The following PPFIA2 variants were observed in gnomAD, a reference collection of about 807,000 sequenced individuals.
The protein encoded by PPFIA2 is liprin-alpha-2.
Under a neutral mutation model 175.5 loss-of-function variants are expected in PPFIA2, and 46 were observed. The observed-to-expected ratio is 0.26, with a 90% confidence interval of 0.21 to 0.34. The LOEUF (loss-of-function observed/expected upper bound fraction) is 0.34, where lower values mean the gene tolerates loss of function less well. PPFIA2 is among the 10% of genes least tolerant of loss of function. The pLI is 1.00. For missense variants in PPFIA2, 1,179 were observed against 1,506.1 expected, an observed-to-expected ratio of 0.78 and a Z score of 3.60; for synonymous variants, 568 against 511.4, an observed-to-expected ratio of 1.11 and a Z score of -1.49.
intron 4 of PPFIA2, among the ~76,000 whole-genome samples, chr12:81,517,952 T>TG (rs902013742): frequency 2.5e-5 from 2 of 80,972 alleles, no homozygotes; most frequent in Non-Finnish European, 4.8e-5. Flanking sequence ...TGTCGTGGGG[T>TG]GGGGGGAGGG....
intron 3 of PPFIA2, among the ~76,000 whole-genome samples, chr12:81,730,220 GATAA>G (rs1237995577): frequency 1.3e-5 from 2 of 151,554 alleles, no homozygotes; most frequent in Non-Finnish European, 3.0e-5. Flanking sequence ...CATTTTCCAT[GATAA>G]ATTGAGCCTG....
intron 8 of PPFIA2, among the ~76,000 whole-genome samples, chr12:81,403,688 C>T (rs749668723): frequency 7.2e-5 from 11 of 152,116 alleles, no homozygotes; most frequent in Non-Finnish European, 1.2e-4. Context: ...AGGAATAGAA[C>T]ATTCCTCTAG....
intron 4 of PPFIA2, among the ~76,000 whole-genome samples, chr12:81,578,336 G>A (rs972584842): frequency 1.3e-5 from 2 of 151,556 alleles, no homozygotes; most frequent in Non-Finnish European, 3.0e-5. Context: ...TTGTCCTTGA[G>A]GTTATCAACC....
chr12:81,341,648 T>C (rs573924332), intron 19 of PPFIA2, among the ~76,000 whole-genome samples: 13 of 152,260 alleles, frequency 8.5e-5, no homozygotes, highest in Non-Finnish European at 1.8e-4. Context: ...ATTCTTCTTC[T>C]AATGTAGCCC....
intron 4 of PPFIA2, among the ~76,000 whole-genome samples, chr12:81,673,083 C>G (rs1442633393): frequency 1.3e-5 from 2 of 151,978 alleles, no homozygotes; most frequent in African/African-American, 4.8e-5. Flanking sequence ...TAAATCCTAC[C>G]TGTTGACTTA....
chr12:81,571,217 T>C (rs2072482630), intron 4 of PPFIA2, among the ~76,000 whole-genome samples: 1 of 152,092 alleles, frequency 6.6e-6, no homozygotes, highest in Non-Finnish European at 1.5e-5. Context: ...CCAAATCAAC[T>C]CTGATTTTGA....
intron 4 of PPFIA2, among the ~76,000 whole-genome samples, chr12:81,667,203 C>T (rs2070504801): frequency 6.6e-6 from 1 of 152,224 alleles, no homozygotes; most frequent in East Asian, 1.9e-4. Flanking sequence ...ATCTTCCCCT[C>T]AGACTTTTCA....
intron 22 of PPFIA2, among the ~76,000 whole-genome samples, chr12:81,302,978 C>G (rs2048240754): frequency 3.3e-5 from 5 of 152,126 alleles, no homozygotes. Flanking sequence ...TTATTCTCAT[C>G]AAGTTTTGGA....
intron 7 of PPFIA2, among the ~76,000 whole-genome samples, chr12:81,408,177 T>C (rs2043259863): frequency 6.6e-6 from 1 of 152,118 alleles, no homozygotes; most frequent in Admixed American, 6.5e-5. Context: ...ATAGATTACA[T>C]CAAAGGAATG....
rs117999941 is a variant in PPFIA2 at position 81,370,391 on chromosome 12, G to A, written c.1267-1197C>T. Among the ~76,000 whole-genome samples, 233 of 151,800 alleles carry A rather than the reference G, an allele frequency of 1.5e-3. 10 individuals are homozygous for A. In the East Asian group the frequency reaches 0.042, roughly 27 times the overall value. On this transcript the variant is annotated intron_variant, in intron 11 of 32. Coordinates refer to ENST00000549396, the MANE Select transcript of PPFIA2 (RefSeq NM_003625.5). ...CTCAGATACTTGGTCTCAAATATTG[G>A]TCTAACGGTCCACTCTCAGATATTG...
At chr12:81,410,673 C>A (rs1348265083) in intron 7 of PPFIA2, among the ~76,000 whole-genome samples, 1 of 151,918 alleles carries the variant, frequency 6.6e-6, no homozygotes, top group African/African-American at 2.4e-5. Context: ...CTTTTCCTTT[C>A]TTATTCTAAT....
At chr12:81,284,348 A>G (rs2042783583) in intron 24 of PPFIA2, 45 bp from the exon 25 acceptor site, 6 of 1,393,726 alleles carry the variant, frequency 4.3e-6, no homozygotes, top group Non-Finnish European at 6.0e-6. Context: ...CATGGGAGGC[A>G]AGCAGTGGTA....
At chr12:81,580,859 T>C (rs188881739) in intron 4 of PPFIA2, among the ~76,000 whole-genome samples, 1 of 152,006 alleles carries the variant, frequency 6.6e-6, no homozygotes, top group Non-Finnish European at 1.5e-5. Flanking sequence ...TTTGTTCACC[T>C]AAAAAAGTGT....
At chr12:81,587,115 T>C (rs146468664) in intron 4 of PPFIA2, among the ~76,000 whole-genome samples, 52 of 152,082 alleles carry the variant, frequency 3.4e-4, no homozygotes, top group African/African-American at 1.2e-3. Flanking sequence ...TTTTGAATAA[T>C]GTATTTAATT....
intron 18 of PPFIA2, among the ~76,000 whole-genome samples, chr12:81,345,318 C>T (rs980449027): frequency 1.3e-5 from 2 of 152,088 alleles, no homozygotes; most frequent in African/African-American, 4.8e-5. Context: ...GATTTCATTT[C>T]TTGCTTCTCT....
At chr12:81,311,455 C>G (rs1451406453) in intron 22 of PPFIA2, among the ~76,000 whole-genome samples, 1 of 152,116 alleles carries the variant, frequency 6.6e-6, no homozygotes, top group African/African-American at 2.4e-5. Context: ...TAGAGGCGGC[C>G]CGGCGTGGTG....
intron 3 of PPFIA2, among the ~76,000 whole-genome samples, chr12:81,734,736 A>G (rs555152822): frequency 1.3e-5 from 2 of 151,888 alleles, no homozygotes; most frequent in South Asian, 4.1e-4. Context: ...GTAGAATGCT[A>G]TGATTTTAAT....
At chr12:81,263,084 A>G in intron 31 of PPFIA2, 147 bp downstream of exon 31, 1 of 713,290 alleles carries the variant, frequency 1.4e-6, no homozygotes, top group South Asian at 2.3e-5. Flanking sequence ...TGTAAAAAGG[A>G]GTCTGGTTTG....
intron 3 of PPFIA2, among the ~76,000 whole-genome samples, chr12:81,690,087 T>C (rs1337860570): frequency 6.6e-6 from 1 of 152,100 alleles, no homozygotes; most frequent in Non-Finnish European, 1.5e-5. Flanking sequence ...ACAGTACCAC[T>C]CAAAGCAAGA....
Sources: allele counts gnomAD v4.1 joint callset (sites outside exome capture counted in the v4.1 genomes callset), GRCh38; gene constraint gnomAD v4.1.1; transcripts MANE v1.5; gene names NCBI Gene and HGNC (gene_info 2026-07-23, HGNC 2026-07-21).